SNX8: variants seen among roughly 807,000 people sequenced by gnomAD.
SNX8 encodes sorting nexin-8.
In SNX8, 25 loss-of-function variants were observed where a neutral mutation model predicts 51.6. That is an observed-to-expected ratio of 0.48 (90% CI 0.35 to 0.68). SNX8 has a LOEUF of 0.68. SNX8 is among the 30% of genes least tolerant of loss of function. SNX8 has a pLI of 0.00. For synonymous variants in SNX8, 324 were observed against 277.0 expected (o/e 1.17, Z -1.68); for missense variants, 695 against 624.0 (o/e 1.11, Z -1.21).
Position 2,272,082 on chromosome 7 carries a change from A to G in SNX8, c.419-111T>C, listed in dbSNP as rs185741286. The G allele has an allele frequency of 2.8e-4, 411 of 1,455,488 alleles. 1 individual carries two copies. The African/African-American group carries it at 5.0e-3, about 18-fold the overall frequency. The allele number at this position is 1,455,488 out of a possible 1,614,324, so 90.2% of individuals were successfully genotyped here. ...AGAGGTGGCAGAGGGCCCAGCGGCTAGCAGAGGGCACTGGCTGGGCCCCCA... is the reference window on the plus strand; with the variant it reads ...AGAGGTGGCAGAGGGCCCAGCGGCTGGCAGAGGGCACTGGCTGGGCCCCCA... On this transcript the variant is annotated intron_variant, in intron 3 of 10. Coordinates refer to ENST00000222990, the MANE Select transcript of SNX8 (RefSeq NM_013321.4).
At chr7:2,336,085 A>G (rs1233053184) in intron 1 of SNX8, among the ~76,000 whole-genome samples, 2 of 144,536 alleles carry the variant, frequency 1.4e-5, no homozygotes, top group Non-Finnish European at 3.0e-5. Context: ...CCTGGGTGAC[A>G]GTGTGAAACT....
At chr7:2,283,776 C>G (rs531282686) in intron 1 of SNX8, among the ~76,000 whole-genome samples, 7 of 152,132 alleles carry the variant, frequency 4.6e-5, no homozygotes, top group Non-Finnish European at 8.8e-5. Context: ...AACAGGAGGG[C>G]TGGGGTGGGG....
chr7:2,311,144 A>C (rs1413314203), intron 1 of SNX8, among the ~76,000 whole-genome samples: 2 of 152,256 alleles, frequency 1.3e-5, no homozygotes, highest in Non-Finnish European at 2.9e-5. Flanking sequence ...TTAATGTGGA[A>C]AAGTACAACA....
chr7:2,303,310 C>T (rs1390505164), intron 1 of SNX8, among the ~76,000 whole-genome samples: 4 of 150,948 alleles, frequency 2.6e-5, no homozygotes, highest in African/African-American at 7.3e-5. Context: ...CCCGGCCAGC[C>T]GCCCCGTCCG....
chr7:2,346,158 C>T (rs1316122356), intron 1 of SNX8, among the ~76,000 whole-genome samples: 9 of 152,056 alleles, frequency 5.9e-5, no homozygotes, highest in Admixed American at 5.9e-4. Context: ...AAATACCAAA[C>T]AATGAATACA....
chr7:2,318,695 C>CA (rs755618675), upstream of SNX8, among the ~76,000 whole-genome samples: 221 of 120,920 alleles, frequency 1.8e-3, 1 homozygote, highest in South Asian at 0.011. Flanking sequence ...GACTTTGTCT[C>CA]AAAAAAAAAA....
intron 1 of SNX8, among the ~76,000 whole-genome samples, chr7:2,326,388 G>A (rs1411122588): frequency 3.4e-5 from 5 of 148,680 alleles, no homozygotes; most frequent in Admixed American, 6.7e-5. Flanking sequence ...AAAAGGGGCC[G>A]GGCACGGTGG....
intron 1 of SNX8, among the ~76,000 whole-genome samples, chr7:2,322,829 C>T (rs981772702): frequency 1.3e-5 from 2 of 150,900 alleles, no homozygotes; most frequent in Non-Finnish European, 2.9e-5. Flanking sequence ...CCAGCCTGGG[C>T]AACATGGTGA....
At chr7:2,268,554 G>A (rs1387859084) in intron 5 of SNX8, among the ~76,000 whole-genome samples, 1 of 145,632 alleles carries the variant, frequency 6.9e-6, no homozygotes, top group African/African-American at 2.5e-5. Flanking sequence ...GAGGTGGGGG[G>A]GTCAGCCCCC....
At position 2,278,816 on chromosome 7, in the gene SNX8, G is replaced by A. The variant is rs532794719; in HGVS notation, c.95-511C>T. ...TCACTCACACTACGGAGTCGACGCC[G>A]GACTCACACTACGGAGTCGACGCCG... On this transcript the variant is annotated intron_variant, in intron 1 of 10. Coordinates refer to ENST00000222990, the MANE Select transcript of SNX8 (RefSeq NM_013321.4). Among the ~76,000 whole-genome samples the A allele has an allele frequency of 5.3e-4, 16 of 30,464 alleles. 2 individuals carry two copies. Among genetic ancestry groups the A allele is most frequent in the African/African-American group, 1.8e-3 (15 of 8,316 alleles). The allele number at this position is 30,464 out of a possible 152,430, so 20.0% of individuals were successfully genotyped here.
At chr7:2,351,837 T>A (rs370811285) in intron 1 of SNX8, among the ~76,000 whole-genome samples, 52 of 144,084 alleles carry the variant, frequency 3.6e-4, no homozygotes, top group African/African-American at 1.2e-3. Flanking sequence ...TCTCAAAAAA[T>A]AAATAAATAA....
At chr7:2,318,995 G>A (rs1056364428), upstream of SNX8, among the ~76,000 whole-genome samples, 1 of 146,690 alleles carries the variant, frequency 6.8e-6, no homozygotes, top group Non-Finnish European at 1.5e-5. Flanking sequence ...GTGATAGAGC[G>A]AGCCTCTTTG....
At chr7:2,268,635 T>TGGGA (rs1795554997) in intron 5 of SNX8, among the ~76,000 whole-genome samples, 1 of 92,356 alleles carries the variant, frequency 1.1e-5, no homozygotes, top group Non-Finnish European at 2.3e-5. Flanking sequence ...CCGCCCCGTC[T>TGGGA]GGGAGGTGAG....
At chr7:2,339,264 G>A (rs531073653) in intron 1 of SNX8, among the ~76,000 whole-genome samples, 116 of 152,056 alleles carry the variant, frequency 7.6e-4, no homozygotes, top group African/African-American at 2.7e-3. Flanking sequence ...GGAGTGCAGC[G>A]GCACGATCTC....
At chr7:2,307,627 T>A (rs1168897896) in intron 1 of SNX8, 1 of 127,598 alleles carries the variant, frequency 7.8e-6, no homozygotes, top group African/African-American at 3.2e-5. Context: ...AGCAAAAACT[T>A]TGTCTCCAAA....
rs1022318962 is a variant in SNX8, at chr7:2,255,548, G to A, written c.1285-379C>T. ...CAGGTCAAACACCAAGGCCAGCCTGGGCAACACACGGACACCCTGTCTCCA... is the reference window on the plus strand; with the variant it reads ...CAGGTCAAACACCAAGGCCAGCCTGAGCAACACACGGACACCCTGTCTCCA... On this transcript the variant is annotated intron_variant, in intron 10 of 10. Coordinates refer to ENST00000222990, the MANE Select transcript of SNX8 (RefSeq NM_013321.4). 3.9e-5 allele frequency among the ~76,000 whole-genome samples: 6 copies of A among 152,180 alleles called. 1 individual carries two copies. Among genetic ancestry groups the A allele is most frequent in the Admixed American group, 2.6e-4 (4 of 15,270 alleles).
chr7:2,331,165 A>T (rs1320143370), intron 1 of SNX8, among the ~76,000 whole-genome samples: 1 of 144,600 alleles, frequency 6.9e-6, no homozygotes, highest in Non-Finnish European at 1.5e-5. Context: ...CAGCCTGGCG[A>T]CAGAGCGAGA....
At chr7:2,330,160 C>T (rs1479509618) in intron 1 of SNX8, among the ~76,000 whole-genome samples, 1 of 117,622 alleles carries the variant, frequency 8.5e-6, no homozygotes, top group Non-Finnish European at 1.7e-5. Context: ...TTTTTTGAGA[C>T]AGGGTCTCAC....
intron 4 of SNX8, among the ~76,000 whole-genome samples, chr7:2,271,555 C>G (rs551556245): frequency 6.6e-6 from 1 of 152,336 alleles, no homozygotes; most frequent in Non-Finnish European, 1.5e-5. Flanking sequence ...TCTGGAGTCT[C>G]TGGCACCTCC....
Sources: allele counts gnomAD v4.1 joint callset (sites outside exome capture counted in the v4.1 genomes callset), GRCh38; gene constraint gnomAD v4.1.1; transcripts MANE v1.5; gene names NCBI Gene and HGNC (gene_info 2026-07-23, HGNC 2026-07-21).